GRIP1: variants seen among roughly 807,000 people sequenced by gnomAD.
GRIP1 encodes the protein glutamate receptor-interacting protein 1.
Under a neutral mutation model 129.9 loss-of-function variants are expected in GRIP1, and 45 were observed. The observed-to-expected ratio is 0.35, with a 90% CI of 0.27 to 0.44. The LOEUF (loss-of-function observed/expected upper bound fraction) is 0.44, where lower values mean the gene tolerates loss of function less well. GRIP1 is among the 20% of genes least tolerant of loss of function. GRIP1 has a pLI of 1.00. For missense variants in GRIP1, 1,196 were observed against 1,396.8 expected (o/e 0.86, Z 2.29); for synonymous variants, 530 against 520.8 (o/e 1.02, Z -0.24).
chr12:66,427,696 A>T (rs1309541981), intron 14 of GRIP1, among the ~76,000 whole-genome samples: 2 of 152,190 alleles, frequency 1.3e-5, no homozygotes, highest in Middle Eastern at 3.2e-3. Flanking sequence ...GGAGATAAGG[A>T]AGAAGTGAGA....
intron 7 of GRIP1, among the ~76,000 whole-genome samples, chr12:66,471,050 C>T (rs1418303980): frequency 6.6e-6 from 1 of 152,096 alleles, no homozygotes; most frequent in Non-Finnish European, 1.5e-5. Flanking sequence ...CCCTACTAGC[C>T]AAACTCAACT....
At chr12:66,786,377 G>A (rs2038346077) in intron 1 of GRIP1, among the ~76,000 whole-genome samples, 1 of 152,140 alleles carries the variant, frequency 6.6e-6, no homozygotes, top group African/African-American at 2.4e-5. Context: ...CAGACCTGGA[G>A]GGAACAGCAC....
intron 1 of GRIP1, among the ~76,000 whole-genome samples, chr12:66,738,315 G>A (rs1232750147): frequency 6.6e-6 from 1 of 151,820 alleles, no homozygotes; most frequent in Non-Finnish European, 1.5e-5. Flanking sequence ...CGCCTCTCGG[G>A]TTCACACCAT....
At chr12:66,817,341 G>A (rs901835198) in intron 1 of GRIP1, among the ~76,000 whole-genome samples, 11 of 151,910 alleles carry the variant, frequency 7.2e-5, no homozygotes, top group African/African-American at 2.4e-4. Context: ...GGACATCAAA[G>A]AGCTTTTGTT....
At chr12:66,919,520 G>A (rs557397913) in intron 1 of GRIP1, among the ~76,000 whole-genome samples, 17 of 152,090 alleles carry the variant, frequency 1.1e-4, no homozygotes, top group Admixed American at 2.0e-4. Flanking sequence ...TAGACTACAC[G>A]GGGACTGGTT....
At chr12:66,944,083 C>G (rs763454827) in intron 1 of GRIP1, among the ~76,000 whole-genome samples, 2 of 152,170 alleles carry the variant, frequency 1.3e-5, no homozygotes, top group Non-Finnish European at 2.9e-5. Flanking sequence ...CCAAATAAAA[C>G]TTCAGTGGGT....
intron 1 of GRIP1, among the ~76,000 whole-genome samples, chr12:66,975,454 A>C (rs1195895753): frequency 6.6e-6 from 1 of 152,238 alleles, no homozygotes; most frequent in Non-Finnish European, 1.5e-5. Flanking sequence ...TACAAATAGC[A>C]AATTTGTGTG....
intron 1 of GRIP1, among the ~76,000 whole-genome samples, chr12:66,713,884 T>C (rs968497293): frequency 1.3e-5 from 2 of 152,020 alleles, no homozygotes; most frequent in Non-Finnish European, 2.9e-5. Context: ...AGCAAACATT[T>C]ACTAAATTAT....
chr12:66,672,623 C>T (rs2034134328), intron 1 of GRIP1, among the ~76,000 whole-genome samples: 1 of 151,572 alleles, frequency 6.6e-6, no homozygotes, highest in African/African-American at 2.4e-5. Flanking sequence ...TGTATATGGG[C>T]AAAAAAGTGG....
chr12:66,764,356 C>T (rs1337581252), intron 1 of GRIP1, among the ~76,000 whole-genome samples: 9 of 152,184 alleles, frequency 5.9e-5, no homozygotes, highest in Non-Finnish European at 1.3e-4. Context: ...TGGATCATCA[C>T]GTTCATATCA....
chr12:66,947,669 C>T (rs1407082457), intron 1 of GRIP1, among the ~76,000 whole-genome samples: 2 of 152,180 alleles, frequency 1.3e-5, no homozygotes, highest in East Asian at 3.9e-4. Flanking sequence ...TGGCTGCTTC[C>T]GCAATACCAT....
intron 1 of GRIP1, among the ~76,000 whole-genome samples, chr12:66,706,658 T>C (rs967462198): frequency 6.6e-6 from 1 of 151,954 alleles, no homozygotes; most frequent in Non-Finnish European, 1.5e-5. Flanking sequence ...AAATGTAGTA[T>C]ATATACACCA....
Position 66,445,339 on chromosome 12 carries a change from A to C in GRIP1, c.1524T>G (p.Ala508=). Residue 508 remains alanine (A), a synonymous_variant, in exon 12 of 25, where the codon GCT becomes GCG. Transcript: ENST00000359742. Reference sequence around the variant, plus strand: ...TGTCTCACCTCTCTGCTGGGCTGTCAGCTTCGATATAGGAAATCAGAGGTG... The same window carrying C: ...TGTCTCACCTCTCTGCTGGGCTGTCCGCTTCGATATAGGAAATCAGAGGTG... ...SSPPLISYIE[A]DSPAERCGVL... is the part of the protein sequence containing the mutation. The C allele has an allele frequency of 6.2e-7, 1 of 1,614,184 alleles. No individual in the cohort carries two copies. Among genetic ancestry groups the C allele is most frequent in the South Asian group, 1.1e-5 (1 of 91,090 alleles).
At chr12:66,440,744 G>A (rs572984145) in intron 13 of GRIP1, among the ~76,000 whole-genome samples, 4 of 152,086 alleles carry the variant, frequency 2.6e-5, no homozygotes, top group South Asian at 4.2e-4. Context: ...AAACAAAGCC[G>A]CAAAACAAAA....
chr12:66,841,729 C>A (rs1266163070), intron 1 of GRIP1, among the ~76,000 whole-genome samples: 1 of 152,126 alleles, frequency 6.6e-6, no homozygotes, highest in East Asian at 1.9e-4. Flanking sequence ...CAAAGCAACA[C>A]CACCAGAAAT....
chr12:66,564,719 T>C (rs1051603171), intron 2 of GRIP1, among the ~76,000 whole-genome samples: 1 of 152,202 alleles, frequency 6.6e-6, no homozygotes, highest in Non-Finnish European at 1.5e-5. Context: ...TCCACAATGG[T>C]TGAACTAGTT....
At chr12:66,520,910 T>C (rs770523556) in intron 5 of GRIP1, among the ~76,000 whole-genome samples, 1 of 152,232 alleles carries the variant, frequency 6.6e-6, no homozygotes, top group Non-Finnish European at 1.5e-5. Flanking sequence ...CGTTCAGATC[T>C]GTATTGCAAA....
chr12:66,406,146 T>G, intron 16 of GRIP1, 137 bp downstream of exon 16: 3 of 767,754 alleles, frequency 3.9e-6, no homozygotes, highest in South Asian at 1.7e-5. Flanking sequence ...AGCACAAAAT[T>G]TAAAGACTCT....
chr12:66,501,654 C>T (rs1198912189), intron 7 of GRIP1, among the ~76,000 whole-genome samples: 2 of 152,264 alleles, frequency 1.3e-5, no homozygotes, highest in South Asian at 2.1e-4. Context: ...AGAAACTCAT[C>T]ACACAAAGAG....
Sources: gnomAD v4.1 joint callset for allele counts (sites outside exome capture counted in the v4.1 genomes callset) on GRCh38, gnomAD v4.1.1 for gene constraint, MANE v1.5 for transcripts, NCBI Gene and HGNC (gene_info 2026-07-23, HGNC 2026-07-21) for gene names.